Variants in GRXCR2 observed in about 807,000 individuals in gnomAD.
The protein encoded by GRXCR2 is glutaredoxin domain-containing cysteine-rich protein 2.
A neutral mutation model predicts 24.8 loss-of-function variants in GRXCR2; 23 were observed. The observed-to-expected ratio is 0.93, with a 90% CI of 0.67 to 1.32. The LOEUF is 1.32. GRXCR2 is among the 40% of genes most tolerant of loss of function. GRXCR2 has a pLI of 0.00. For synonymous variants in GRXCR2, 130 were observed against 116.1 expected (o/e 1.12, Z -0.77); for missense variants, 315 against 303.4 (o/e 1.04, Z -0.28).
At chr5:145,900,850 A>G (rs187092255) in intron 2 of GRXCR2, among the ~76,000 whole-genome samples, 18 of 152,250 alleles carry the variant, frequency 1.2e-4, no homozygotes, top group East Asian at 5.8e-4. Flanking sequence ...ATCACACTCA[A>G]TGCAGGGCTA....
At chr5:145,896,151 A>G (rs1425478242) in intron 2 of GRXCR2, among the ~76,000 whole-genome samples, 2 of 152,194 alleles carry the variant, frequency 1.3e-5, no homozygotes, top group Non-Finnish European at 2.9e-5. Flanking sequence ...TTAAAGACTT[A>G]AATGTTAGAC....
At chr5:145,879,794 A>C (rs1756673097) in intron 2 of GRXCR2, among the ~76,000 whole-genome samples, 1 of 152,138 alleles carries the variant, frequency 6.6e-6, no homozygotes, top group African/African-American at 2.4e-5. Flanking sequence ...TTGACCACAT[A>C]ACTAAAGCAC....
In GRXCR2 at chr5:145,872,978, G is replaced by C. The variant is rs745840055; in HGVS notation, c.-10C>G. ...TCTCAGGGTCCTCCATCAGCAGAAA[G>C]TTGACCCTGTGGTCTCCAGCCTTCC... On this transcript the variant is annotated 5_prime_UTR_variant, in exon 1 of 3. Coordinates refer to ENST00000377976, the MANE Select transcript of GRXCR2 (RefSeq NM_001080516.2). 3 of 1,612,568 alleles carry C rather than the reference G, an allele frequency of 1.9e-6. No individual in the cohort carries two copies. The highest frequency in any genetic ancestry group is 2.5e-6 in the Non-Finnish European group (3 of 1,178,746).
intron 2 of GRXCR2, among the ~76,000 whole-genome samples, chr5:145,901,534 G>T (rs1468275646): frequency 6.6e-6 from 1 of 152,166 alleles, no homozygotes; most frequent in Non-Finnish European, 1.5e-5. Flanking sequence ...TGAATTTGTG[G>T]AGCTTATATT....
chr5:145,897,723 G>A (rs1756970354), intron 2 of GRXCR2, among the ~76,000 whole-genome samples: 1 of 151,914 alleles, frequency 6.6e-6, no homozygotes, highest in Non-Finnish European at 1.5e-5. Flanking sequence ...AATTACTTTT[G>A]GTAAGCAACA....
intron 1 of GRXCR2, among the ~76,000 whole-genome samples, chr5:145,868,742 G>T (rs985814789): frequency 9.9e-5 from 15 of 152,136 alleles, no homozygotes; most frequent in African/African-American, 3.6e-4. Context: ...TTTCTGAGCT[G>T]CTCAATGTCT....
intron 2 of GRXCR2, among the ~76,000 whole-genome samples, chr5:145,894,861 A>T (rs1295919789): frequency 6.6e-6 from 1 of 152,188 alleles, no homozygotes; most frequent in East Asian, 1.9e-4. Context: ...AATATCCCTG[A>T]TGAACATCGA....
chr5:145,928,717 A>C (rs1437883791), intron 2 of GRXCR2, among the ~76,000 whole-genome samples: 1 of 134,908 alleles, frequency 7.4e-6, no homozygotes, highest in Non-Finnish European at 1.6e-5. Context: ...ACACATGGAC[A>C]CAGGAAGGGG....
At chr5:145,899,411 T>C (rs147051282) in intron 2 of GRXCR2, among the ~76,000 whole-genome samples, 3,249 of 152,186 alleles carry the variant, frequency 0.021, 298 homozygotes, top group Admixed American at 0.16. Flanking sequence ...AAAACTATTC[T>C]AAAATTCATA....
intron 2 of GRXCR2, among the ~76,000 whole-genome samples, chr5:145,917,687 G>A (rs891440155): frequency 6.6e-6 from 1 of 152,140 alleles, no homozygotes; most frequent in Non-Finnish European, 1.5e-5. Context: ...TTAGGTTCAG[G>A]TGCCATGGAC....
At chr5:145,915,287 G>T (rs142528483) in intron 2 of GRXCR2, among the ~76,000 whole-genome samples, 1 of 152,174 alleles carries the variant, frequency 6.6e-6, no homozygotes, top group South Asian at 2.1e-4. Flanking sequence ...TTTGGGTAGT[G>T]TTAATCAGTC....
At chr5:145,928,079 A>C (rs111621871) in intron 2 of GRXCR2, among the ~76,000 whole-genome samples, 3,423 of 152,154 alleles carry the variant, frequency 0.022, 143 homozygotes, top group African/African-American at 0.078. Flanking sequence ...AACCCCATCA[A>C]AAAGTGGGCA....
At chr5:145,909,309 C>T (rs1394972544) in intron 2 of GRXCR2, among the ~76,000 whole-genome samples, 1 of 150,348 alleles carries the variant, frequency 6.7e-6, no homozygotes, top group Non-Finnish European at 1.5e-5. Context: ...ATAAACATCA[C>T]TAGTAAATAG....
chr5:145,876,922 A>G (rs1756627272), upstream of GRXCR2, among the ~76,000 whole-genome samples: 1 of 152,238 alleles, frequency 6.6e-6, no homozygotes, highest in Non-Finnish European at 1.5e-5. Context: ...AAAATACTGT[A>G]GCTCCATATA....
chr5:145,880,754 G>C (rs1756688707), intron 2 of GRXCR2, among the ~76,000 whole-genome samples: 1 of 152,150 alleles, frequency 6.6e-6, no homozygotes, highest in African/African-American at 2.4e-5. Context: ...GAATATCCCT[G>C]ATGAACATGA....
At chr5:145,889,185 A>AAAGAAAGAAAGAAAGAAAGG (rs1756823700) in intron 2 of GRXCR2, among the ~76,000 whole-genome samples, 1 of 119,988 alleles carries the variant, frequency 8.3e-6, no homozygotes, top group Non-Finnish European at 1.8e-5. Flanking sequence ...AGAAAGAAAG[A>AAAGAAAGAAAGAAAGAAAGG]AAGAAAGAAA....
intron 2 of GRXCR2, among the ~76,000 whole-genome samples, chr5:145,924,421 C>T (rs1757363763): frequency 6.6e-6 from 1 of 151,982 alleles, no homozygotes; most frequent in Admixed American, 6.6e-5. Context: ...ATACTAATTC[C>T]CCCTATGCTC....
At chr5:145,879,216 G>A (rs1312125957) in intron 2 of GRXCR2, among the ~76,000 whole-genome samples, 2 of 152,030 alleles carry the variant, frequency 1.3e-5, no homozygotes, top group Non-Finnish European at 1.5e-5. Flanking sequence ...ATGTAAATAG[G>A]CTAAATGCTC....
intron 2 of GRXCR2, among the ~76,000 whole-genome samples, chr5:145,892,452 C>A (rs1756882009): frequency 6.6e-6 from 1 of 152,132 alleles, no homozygotes; most frequent in African/African-American, 2.4e-5. Context: ...CCTGATGGAG[C>A]TGAAAACCAT....
Sources: allele counts gnomAD v4.1 joint callset (sites outside exome capture counted in the v4.1 genomes callset), GRCh38; gene constraint gnomAD v4.1.1; transcripts MANE v1.5; gene names NCBI Gene and HGNC (gene_info 2026-07-23, HGNC 2026-07-21).